Variants in MAP1B observed in about 807,000 individuals in gnomAD.
MAP1B encodes microtubule-associated protein 1B.
MAP1B carries 12 observed loss-of-function variants against 176.1 expected under a neutral mutation model. That is an observed-to-expected ratio of 0.07 (90% CI 0.04 to 0.11). The LOEUF (loss-of-function observed/expected upper bound fraction) is 0.11, where lower values mean the gene tolerates loss of function less well. Ranked by LOEUF, MAP1B falls within the 10% of genes least tolerant of loss-of-function variation. MAP1B has a pLI of 1.00. For missense variants in MAP1B, 2,523 were observed against 2,990.5 expected, an observed-to-expected ratio of 0.84 and a Z score of 3.65; for synonymous variants, 1,044 against 1,135.0, an observed-to-expected ratio of 0.92 and a Z score of 1.61.
At chr5:72,140,873 A>T (rs1325589260) in intron 2 of MAP1B, among the ~76,000 whole-genome samples, 1 of 152,164 alleles carries the variant, frequency 6.6e-6, no homozygotes, top group Non-Finnish European at 1.5e-5. Flanking sequence ...TTTTTGTCTG[A>T]ATCCCCATCT....
At chr5:72,135,734 C>T in intron 2 of MAP1B, among the ~76,000 whole-genome samples, 1 of 151,690 alleles carries the variant, frequency 6.6e-6, no homozygotes, top group South Asian at 2.1e-4. Context: ...CAATCCAGAT[C>T]AGACCCTCTT....
Position 72,186,759 on chromosome 5 carries a change from G to C in MAP1B, c.510+5G>C, listed in dbSNP as rs752519905. On this transcript the variant is annotated splice_donor_5th_base_variant and intron_variant, in intron 4 of 6. Transcript: ENST00000296755. The surrounding 1 kb of genome is among the most constrained non-coding windows in gnomAD (Gnocchi z 4.3). ...GAGATTTTCACCGATCAAGAGGTAG[G>C]TTCGTGTCTGAGAATATCTGTGCTT... The C allele has an allele frequency of 8.1e-6, 13 of 1,613,880 alleles. No homozygotes were observed. Among genetic ancestry groups the C allele is most frequent in the Non-Finnish European group, 1.1e-5 (13 of 1,180,028 alleles).
chr5:72,199,013 TTATGAC>T lies in MAP1B; in HGVS notation c.5664_5669del (p.Asp1888_Tyr1889del), dbSNP rs770427959. 3 of 1,614,026 alleles carry T rather than the reference TTATGAC, an allele frequency of 1.9e-6. No homozygotes were observed. Among genetic ancestry groups the T allele is most frequent in the Non-Finnish European group, 2.5e-6 (3 of 1,180,036 alleles). On this transcript the variant is annotated inframe_deletion, in exon 5 of 7. Coordinates refer to ENST00000296755, the MANE Select transcript of MAP1B (RefSeq NM_005909.5). This position sits in a 1 kb window ranked among gnomAD's most constrained non-coding sequence, Gnocchi z 4.2. ...CAACCAGGTCCCCAGATGAAGAAGA[TTATGAC>T]TATGAGTCTTATGAGAAGACCACCC... is the stretch of plus-strand genomic sequence containing the variant.
At chr5:72,137,777 C>T (rs79162208) in intron 2 of MAP1B, among the ~76,000 whole-genome samples, 3,452 of 152,200 alleles carry the variant, frequency 0.023, 93 homozygotes, top group African/African-American at 0.066. Context: ...CTTTTCTCCC[C>T]GTTTAAGTAG....
At chr5:72,158,166 G>A (rs1221615128) in intron 2 of MAP1B, among the ~76,000 whole-genome samples, 1 of 151,682 alleles carries the variant, frequency 6.6e-6, no homozygotes, top group East Asian at 1.9e-4. Context: ...CTGCCACCTC[G>A]CCCGGCTAAT....
chr5:72,193,059 G>A (rs538923513), intron 4 of MAP1B, among the ~76,000 whole-genome samples: 21 of 152,340 alleles, frequency 1.4e-4, no homozygotes, highest in Non-Finnish European at 2.1e-4. Flanking sequence ...AGTTAAACAT[G>A]AGCAAATGGG....
chr5:72,196,584 C>T lies in MAP1B; in HGVS notation c.3229C>T (p.Pro1077Ser), dbSNP rs1383203503. The change falls in exon 5 of 7, where the codon CCT (proline) becomes TCT (serine). Residue 1077 changes from proline (P) to serine (S), a missense_variant. Coordinates refer to ENST00000296755, the MANE Select transcript of MAP1B (RefSeq NM_005909.5). The surrounding 1 kb of genome is among the most constrained non-coding windows in gnomAD (Gnocchi z 5.3). ...TPTKQLGAQSPGREPASSIHD... is the reference protein window; with the variant it reads ...TPTKQLGAQSSGREPASSIHD... ...AACCAAGCAACTAGGAGCCCAGTCT[C>T]CTGGCCGAGAACCTGCATCTTCAAT... 2 of 1,613,752 alleles carry T rather than the reference C, an allele frequency of 1.2e-6. No homozygotes were observed. Among genetic ancestry groups the T allele is most frequent in the African/African-American group, 1.3e-5 (1 of 74,928 alleles).
chr5:72,136,897 A>G (rs1226828881), intron 2 of MAP1B, among the ~76,000 whole-genome samples: 1 of 152,196 alleles, frequency 6.6e-6, no homozygotes, highest in East Asian at 1.9e-4. Flanking sequence ...TTATTTTGTT[A>G]TTAAAAATGT....
chr5:72,130,861 G>GT (rs1348242089), intron 2 of MAP1B, among the ~76,000 whole-genome samples: 1 of 152,224 alleles, frequency 6.6e-6, no homozygotes, highest in East Asian at 1.9e-4. Context: ...TTCAAATAAT[G>GT]TTTTTTCAAA....
rs781144386 is a variant in MAP1B at position 72,196,368 on chromosome 5, G to A, written c.3013G>A (p.Asp1005Asn). Residue 1005 changes from aspartate to asparagine, a missense_variant, in exon 5 of 7, where the codon GAT becomes AAT. Asp to Asn is a conservative substitution (Grantham distance 23, BLOSUM62 1). Coordinates refer to ENST00000296755, the MANE Select transcript of MAP1B (RefSeq NM_005909.5). This position sits in a 1 kb window ranked among gnomAD's most constrained non-coding sequence, Gnocchi z 5.3. Reference protein sequence around the residue: ...SGDDRAEEDMDEAIEKGEAEQ... With the variant: ...SGDDRAEEDMNEAIEKGEAEQ... ...GGATGACCGAGCCGAAGAAGACATG[G>A]ATGAGGCCATTGAGAAAGGAGAGGC... 4.3e-6 allele frequency: 7 copies of A among 1,613,984 alleles called. No individual in the cohort carries two copies. The highest frequency in any genetic ancestry group is 5.1e-6 in the Non-Finnish European group (6 of 1,180,030).
chr5:72,158,235 C>A (rs1746264847), intron 2 of MAP1B, among the ~76,000 whole-genome samples: 1 of 151,320 alleles, frequency 6.6e-6, no homozygotes, highest in Non-Finnish European at 1.5e-5. Context: ...GTCTCGAAAT[C>A]CTGACCTTGT....
chr5:72,181,559 T>A (rs1243804002), intron 2 of MAP1B, among the ~76,000 whole-genome samples: 1 of 152,160 alleles, frequency 6.6e-6, no homozygotes, highest in Non-Finnish European at 1.5e-5. Context: ...CCTCTTTTTT[T>A]ATTTTATCAA....
rs1747279666 is a variant in MAP1B, at chr5:72,199,618, G to A, written c.6263G>A (p.Cys2088Tyr). The A allele has an allele frequency of 1.9e-6, 3 of 1,614,118 alleles. No homozygotes were observed. The highest frequency in any genetic ancestry group is 1.3e-5 in the African/African-American group (1 of 75,022). Residue 2088 changes from cysteine (C) to tyrosine (Y), a missense_variant, in exon 5 of 7, where the codon TGT becomes TAT. By Grantham distance (194) the Cys-to-Tyr change is radical (BLOSUM62 -2). Around this residue, in one of 4 missense-constraint regions of MAP1B, gnomAD observed 1,925 missense variants for 2,126.0 expected, o/e 0.91. Transcript: ENST00000296755. This position sits in a 1 kb window ranked among gnomAD's most constrained non-coding sequence, Gnocchi z 4.2. The stretch of plus-strand genomic sequence containing the variant: ...GTCGATTTATGCCTCGTGTCCTCTT[G>A]TGAATACAAGCACCCCAAGACAGAG... ...QDVDLCLVSS[C>Y]EYKHPKTELS...
intron 2 of MAP1B, chr5:72,169,581 A>G (rs1418806783): frequency 6.5e-6 from 1 of 154,362 alleles, no homozygotes; most frequent in Non-Finnish European, 1.5e-5. Context: ...ATGGGTATCT[A>G]TATTTTTAGT....
intron 1 of MAP1B, among the ~76,000 whole-genome samples, chr5:72,111,985 T>A (rs563270999): frequency 6.6e-6 from 1 of 152,242 alleles, no homozygotes; most frequent in African/African-American, 2.4e-5. Flanking sequence ...TAAAGATGAG[T>A]TCAAGGGAAA....
intron 4 of MAP1B, among the ~76,000 whole-genome samples, chr5:72,188,582 T>A (rs911527228): frequency 7.9e-5 from 12 of 152,238 alleles, no homozygotes; most frequent in Non-Finnish European, 1.6e-4. Context: ...TTTGGCATAT[T>A]TGCATCTCAA....
At chr5:72,170,939 C>T (rs1213647816) in intron 2 of MAP1B, among the ~76,000 whole-genome samples, 1 of 152,128 alleles carries the variant, frequency 6.6e-6, no homozygotes, top group Non-Finnish European at 1.5e-5. Context: ...AAGAGCAAAA[C>T]TCCATCTCAA....
At chr5:72,193,833 TTTTCTTTC>T (rs367932308) in intron 4 of MAP1B, 25 bp from the exon 5 acceptor site, 110 of 1,536,130 alleles carry the variant, frequency 7.2e-5, no homozygotes, top group South Asian at 4.6e-4. Flanking sequence ...CACTTACACC[TTTTCTTTC>T]TTTCTTTCTT....
At position 72,199,305 on chromosome 5, in the gene MAP1B, C is replaced by G. The variant is rs754521880; in HGVS notation, c.5950C>G (p.Leu1984Val). The change falls in exon 5 of 7, where the codon CTG becomes GTG. Residue 1984 changes from leucine (L) to valine (V), a missense_variant. Leu to Val is a conservative substitution (Grantham distance 32). Transcript: ENST00000296755. The surrounding 1 kb of genome is among the most constrained non-coding windows in gnomAD (Gnocchi z 4.2). ...AAAGACTGAGAGGTCTAGAAGGCTTCTGGATGACATCAGCAATGGCTATGA... is the reference window on the plus strand; with the variant it reads ...AAAGACTGAGAGGTCTAGAAGGCTTGTGGATGACATCAGCAATGGCTATGA... ...YEKTERSRRL[L>V]DDISNGYDDS... 13 of 1,614,046 alleles carry G rather than the reference C, an allele frequency of 8.1e-6. No homozygotes were observed. Among genetic ancestry groups the G allele is most frequent in the Non-Finnish European group, 1.1e-5 (13 of 1,180,048 alleles).
Sources: allele counts gnomAD v4.1 joint callset (sites outside exome capture counted in the v4.1 genomes callset), GRCh38; gene constraint gnomAD v4.1.1; regional missense constraint gnomAD v4.1.1; non-coding constraint Gnocchi (gnomAD v3.1); transcripts MANE v1.5; gene names NCBI Gene and HGNC (gene_info 2026-07-23, HGNC 2026-07-21).